SLC35F4: variants seen among roughly 807,000 people sequenced by gnomAD.
SLC35F4 encodes the protein solute carrier family 35 member F4.
SLC35F4 carries 24 observed loss-of-function variants against 44.2 expected under a neutral mutation model. The observed-to-expected ratio is 0.54, with a 90% CI of 0.39 to 0.76. The LOEUF (loss-of-function observed/expected upper bound fraction) is 0.76. Among genes scored for constraint, SLC35F4 ranks in the 30% least tolerant of loss-of-function variants. The probability of loss-of-function intolerance (pLI) is 0.00; values close to 1 mark genes in which losing one functional copy is unlikely to be tolerated. For synonymous variants in SLC35F4, 238 were observed against 223.6 expected (o/e 1.06, Z -0.57); for missense variants, 562 against 586.1 (o/e 0.96, Z 0.42).
intron 1 of SLC35F4, among the ~76,000 whole-genome samples, chr14:57,927,239 A>C (rs1416714445): frequency 1.3e-5 from 2 of 152,220 alleles, no homozygotes; most frequent in Non-Finnish European, 2.9e-5. Flanking sequence ...CTTGATCATA[A>C]CAATGCCTGC....
chr14:57,803,630 C>T (rs886153227), intron 1 of SLC35F4, among the ~76,000 whole-genome samples: 1 of 144,386 alleles, frequency 6.9e-6, no homozygotes, highest in African/African-American at 2.5e-5. Context: ...ACTCTTGTCA[C>T]CCAGACTGGG....
intron 1 of SLC35F4, among the ~76,000 whole-genome samples, chr14:57,631,817 A>G (rs2072791230): frequency 6.6e-6 from 1 of 152,158 alleles, no homozygotes; most frequent in Admixed American, 6.6e-5. Flanking sequence ...TTTGGGGACA[A>G]AAGTGACTTG....
chr14:57,823,791 G>A (rs1247497493), intron 1 of SLC35F4, among the ~76,000 whole-genome samples: 2 of 152,050 alleles, frequency 1.3e-5, no homozygotes, highest in African/African-American at 2.4e-5. Context: ...GTTTGGTTTT[G>A]TAATCATTTC....
At chr14:57,885,964 GA>G (rs34723496) in intron 1 of SLC35F4, among the ~76,000 whole-genome samples, 2 of 151,800 alleles carry the variant, frequency 1.3e-5, no homozygotes, top group Non-Finnish European at 1.5e-5. Flanking sequence ...TAAGGACTTT[GA>G]AAAAAAGGGA....
chr14:57,603,656 C>T (rs1227028323), intron 1 of SLC35F4, among the ~76,000 whole-genome samples: 2 of 152,176 alleles, frequency 1.3e-5, no homozygotes, highest in Admixed American at 6.5e-5. Context: ...GAAATGGCAG[C>T]GTCTCAGCCA....
In SLC35F4 at chr14:57,645,551, A is replaced by G. The variant is rs553123172; in HGVS notation, c.104-51427T>C. Among the ~76,000 whole-genome samples, 27 of 151,880 alleles carry G rather than the reference A, an allele frequency of 1.8e-4. No homozygotes were observed. The East Asian group carries it at 5.0e-3, about 28-fold the overall frequency. Reference sequence around the variant, plus strand: ...GATGATGGGGTTTTCTAGATATACAATCATGTACATCTGCAAACAGGGACA... The same window carrying G: ...GATGATGGGGTTTTCTAGATATACAGTCATGTACATCTGCAAACAGGGACA... On this transcript the variant is annotated intron_variant, in intron 1 of 7. Coordinates refer to ENST00000556826, the MANE Select transcript of SLC35F4 (RefSeq NM_001306087.2).
At position 57,681,283 on chromosome 14, in the gene SLC35F4, A is replaced by G. The variant is rs907366298; in HGVS notation, c.104-87159T>C. ...ACAAGCAATGGGGAAAGGATTCCCT[A>G]TTTAATAAATGGTGTTGGGAAAACA... On this transcript the variant is annotated intron_variant, in intron 1 of 7. Transcript: ENST00000556826. 2.0e-5 allele frequency among the ~76,000 whole-genome samples: 3 copies of G among 148,572 alleles called. No individual in the cohort carries two copies. The South Asian group carries it at 6.2e-4, about 31-fold the overall frequency.
chr14:57,678,665 A>G (rs1276610410), intron 1 of SLC35F4, among the ~76,000 whole-genome samples: 1 of 151,704 alleles, frequency 6.6e-6, no homozygotes, highest in Non-Finnish European at 1.5e-5. Flanking sequence ...AAATAAAGGG[A>G]TGGAGGAATA....
chr14:57,863,881 C>T (rs1424853043), intron 1 of SLC35F4, among the ~76,000 whole-genome samples: 4 of 152,206 alleles, frequency 2.6e-5, no homozygotes, highest in Non-Finnish European at 5.9e-5. Context: ...CACAAATAAC[C>T]ATGCCAAGTT....
At chr14:57,791,528 G>A (rs548007053) in intron 1 of SLC35F4, among the ~76,000 whole-genome samples, 34 of 152,306 alleles carry the variant, frequency 2.2e-4, no homozygotes, top group South Asian at 4.1e-4. Context: ...ATACACTGTT[G>A]GCAGGAGTGT....
intron 1 of SLC35F4, among the ~76,000 whole-genome samples, chr14:57,666,516 A>AT (rs2074314397): frequency 6.6e-6 from 1 of 152,160 alleles, no homozygotes; most frequent in Non-Finnish European, 1.5e-5. Flanking sequence ...CTGCTTAATT[A>AT]ACAGCTTCAT....
rs1889990702 is a variant in SLC35F4, at chr14:57,944,760, A to C, written n.282+37153T>G. ...GAAAGAAAGAAAGAAAGAAGAAAGG[A>C]AGAAAGAAAAGAAAAGAAAAAAGAA... On this transcript the variant is annotated intron_variant and non_coding_transcript_variant, in intron 1 of 1. Transcript: ENST00000556568. 2.0e-5 allele frequency among the ~76,000 whole-genome samples: 3 copies of C among 151,582 alleles called. No homozygotes were observed. In the South Asian group the frequency reaches 6.2e-4, roughly 32 times the overall value.
intron 1 of SLC35F4, among the ~76,000 whole-genome samples, chr14:57,735,446 G>A (rs1160969607): frequency 6.6e-6 from 1 of 152,092 alleles, no homozygotes; most frequent in African/African-American, 2.4e-5. Context: ...CTAGAGAGTT[G>A]GCAGGGCCAG....
chr14:57,818,480 A>G (rs991550668), intron 1 of SLC35F4, among the ~76,000 whole-genome samples: 1 of 152,178 alleles, frequency 6.6e-6, no homozygotes, highest in Non-Finnish European at 1.5e-5. Flanking sequence ...GATGGGAGCT[A>G]TTGACCCTTG....
At chr14:57,638,274 G>T (rs1399230604) in intron 1 of SLC35F4, among the ~76,000 whole-genome samples, 1 of 152,052 alleles carries the variant, frequency 6.6e-6, no homozygotes, top group Non-Finnish European at 1.5e-5. Flanking sequence ...ACCACAGACT[G>T]GTTCTGGCTG....
intron 1 of SLC35F4, among the ~76,000 whole-genome samples, chr14:57,611,007 G>C (rs1403480289): frequency 1.3e-5 from 2 of 152,238 alleles, no homozygotes; most frequent in Non-Finnish European, 2.9e-5. Flanking sequence ...GAATAGCAGA[G>C]TGGTGTCTAG....
At chr14:57,719,367 G>A (rs531892039) in intron 1 of SLC35F4, among the ~76,000 whole-genome samples, 2 of 152,280 alleles carry the variant, frequency 1.3e-5, no homozygotes, top group South Asian at 4.1e-4. Context: ...ACTGTCCTTG[G>A]TATTTTGATA....
At chr14:57,920,061 G>T (rs1355775407) in intron 1 of SLC35F4, among the ~76,000 whole-genome samples, 1 of 152,180 alleles carries the variant, frequency 6.6e-6, no homozygotes, top group Non-Finnish European at 1.5e-5. Context: ...GAGATGGATA[G>T]AGACACAATA....
rs115841374 is a variant in SLC35F4, at chr14:57,818,499, A to G, written c.103+47224T>C. On this transcript the variant is annotated intron_variant, in intron 1 of 7. Coordinates refer to ENST00000556826, the MANE Select transcript of SLC35F4 (RefSeq NM_001306087.2). ...GGAGCTATTGACCCTTGTTGCTGTCAAGATCTAGGATTGATGCTACACAGT... is the reference window on the plus strand; with the variant it reads ...GGAGCTATTGACCCTTGTTGCTGTCGAGATCTAGGATTGATGCTACACAGT... 2.4e-3 allele frequency among the ~76,000 whole-genome samples: 363 copies of G among 152,318 alleles called. 1 individual carries two copies. The highest frequency in any genetic ancestry group is 8.5e-3 in the African/African-American group (354 of 41,578).
Sources: allele counts gnomAD v4.1 joint callset (sites outside exome capture counted in the v4.1 genomes callset), GRCh38; gene constraint gnomAD v4.1.1; transcripts MANE v1.5; gene names NCBI Gene and HGNC (gene_info 2026-07-23, HGNC 2026-07-21).